Variants in FKBP6 observed in about 807,000 individuals in gnomAD.
The protein encoded by FKBP6 is FKBP prolyl isomerase family member 6 (inactive).
FKBP6 carries 29 observed loss-of-function variants against 41.7 expected under a neutral mutation model. The observed-to-expected ratio is 0.70, with a 90% CI of 0.52 to 0.95. FKBP6 has a LOEUF of 0.95. Among genes scored for constraint, FKBP6 ranks in the 40% least tolerant of loss-of-function variants. The pLI is 0.00. For synonymous variants in FKBP6, 130 were observed against 165.1 expected (o/e 0.79, Z 1.63); for missense variants, 338 against 408.7 (o/e 0.83, Z 1.49).
chr7:73,349,035 G>A (rs926259855), intron 8 of FKBP6, among the ~76,000 whole-genome samples: 8 of 152,044 alleles, frequency 5.3e-5, no homozygotes, highest in Non-Finnish European at 7.3e-5. Flanking sequence ...AGCCTGAAAA[G>A]TCAAGGCTGC....
intron 5 of FKBP6, among the ~76,000 whole-genome samples, chr7:73,337,720 A>G (rs1333832149): frequency 2.0e-5 from 3 of 151,616 alleles, no homozygotes; most frequent in Non-Finnish European, 4.4e-5. Context: ...CTTGTTGTTG[A>G]GATATGATTC....
intron 8 of FKBP6, among the ~76,000 whole-genome samples, chr7:73,345,968 T>G (rs1335871919): frequency 6.6e-6 from 1 of 152,070 alleles, no homozygotes; most frequent in African/African-American, 2.4e-5. Flanking sequence ...AGGGAGAAAT[T>G]AGATCACCTT....
intron 8 of FKBP6, among the ~76,000 whole-genome samples, chr7:73,349,349 C>T (rs970977919): frequency 1.3e-5 from 2 of 150,436 alleles, no homozygotes; most frequent in South Asian, 2.1e-4. Flanking sequence ...GTGGAGGTTG[C>T]GGTAAGCTGC....
chr7:73,348,152 T>G (rs1455910249), intron 8 of FKBP6, among the ~76,000 whole-genome samples: 1 of 140,236 alleles, frequency 7.1e-6, no homozygotes, highest in African/African-American at 2.6e-5. Flanking sequence ...AAGTTGGACC[T>G]CCTTCTATTC....
rs541958435 is a variant in FKBP6 at position 73,345,212 on chromosome 7, G to T, written c.*2+2313G>T. 1.2e-4 allele frequency among the ~76,000 whole-genome samples: 16 copies of T among 134,536 alleles called. No homozygotes were observed. In the East Asian group the frequency reaches 3.6e-3, roughly 30 times the overall value. The allele number at this position is 134,536 out of a possible 152,430, so 88.3% of individuals were successfully genotyped here. A position where few individuals can be genotyped will look rare whatever the true frequency, so the allele number is the denominator to read the frequency against. On this transcript the variant is annotated intron_variant, in intron 8 of 8. Transcript: ENST00000252037. ...TGCCAGGGACAGAAACCTATCTTTA[G>T]CATCAGCCAGAAAAAAAAAAAAAAA...
chr7:73,343,710 C>A (rs1356687853), intron 8 of FKBP6, among the ~76,000 whole-genome samples: 1 of 152,118 alleles, frequency 6.6e-6, no homozygotes, highest in Non-Finnish European at 1.5e-5. Context: ...CCAGTCTGAA[C>A]CCTCCAGTCT....
At chr7:73,346,275 C>A (rs1554550258) in intron 8 of FKBP6, among the ~76,000 whole-genome samples, 1 of 152,190 alleles carries the variant, frequency 6.6e-6, no homozygotes, top group Admixed American at 6.5e-5. Context: ...TCCTGCCATC[C>A]CTGTGGGGAG....
At position 73,358,361 on chromosome 7, in the gene FKBP6, G is replaced by A. The variant is rs1199249559; in HGVS notation, c.*183G>A. The A allele has an allele frequency of 1.3e-5, 2 of 152,332 alleles. No individual in the cohort carries two copies. The highest frequency in any genetic ancestry group is 4.8e-5 in the African/African-American group (2 of 41,422). 9.4% of individuals were successfully genotyped at this position (152,332 alleles called of 1,614,324 possible). A position where few individuals can be genotyped will look rare whatever the true frequency, so the allele number is the denominator to read the frequency against. Reference sequence around the variant, plus strand: ...TCACAGGTGCTGTTTTCTGTTTTCCGTGTTCGTAACAGAAGGGAGGGGAAA... The same window carrying A: ...TCACAGGTGCTGTTTTCTGTTTTCCATGTTCGTAACAGAAGGGAGGGGAAA... On this transcript the variant is annotated 3_prime_UTR_variant, in exon 9 of 9. Transcript: ENST00000252037.
intron 8 of FKBP6, among the ~76,000 whole-genome samples, chr7:73,356,326 T>A (rs1462179036): frequency 2.0e-5 from 3 of 152,164 alleles, no homozygotes; most frequent in African/African-American, 7.2e-5. Context: ...CATGGAGCTA[T>A]CCTCACGCCT....
chr7:73,345,069 C>T (rs1282475258), intron 8 of FKBP6, among the ~76,000 whole-genome samples: 4 of 151,954 alleles, frequency 2.6e-5, no homozygotes, highest in African/African-American at 9.7e-5. Context: ...GCCAGGTGCA[C>T]GATTGGTGCT....
chr7:73,335,432 G>C (rs1230791174), intron 5 of FKBP6, among the ~76,000 whole-genome samples: 4 of 152,218 alleles, frequency 2.6e-5, no homozygotes, highest in African/African-American at 9.6e-5. Flanking sequence ...TGGGAGCCAA[G>C]CTGGGCAGCA....
chr7:73,352,425 T>A (rs373017197), intron 8 of FKBP6, among the ~76,000 whole-genome samples: 1 of 152,330 alleles, frequency 6.6e-6, no homozygotes, highest in East Asian at 1.9e-4. Flanking sequence ...TAATTAAGTG[T>A]ACAGGTAGTG....
At chr7:73,349,150 C>T (rs1374335006) in intron 8 of FKBP6, among the ~76,000 whole-genome samples, 1 of 152,278 alleles carries the variant, frequency 6.6e-6, no homozygotes, top group African/African-American at 2.4e-5. Context: ...TGGCTCACGC[C>T]TGTAATCCCA....
intron 5 of FKBP6, 58 bp from the exon 6 acceptor site, chr7:73,340,580 T>A: frequency 6.9e-7 from 1 of 1,439,002 alleles, no homozygotes; most frequent in Admixed American, 1.7e-5. Flanking sequence ...GTGGATTCTT[T>A]AGGGTTTTGT....
At chr7:73,336,874 A>G in intron 5 of FKBP6, 1 of 453,278 alleles carries the variant, frequency 2.2e-6, no homozygotes, top group Non-Finnish European at 4.5e-6. Flanking sequence ...CACAAAATGG[A>G]TGGTTAGACT....
Position 73,340,668 on chromosome 7 carries a change from C to G in FKBP6, c.619C>G (p.Pro207Ala). Residue 207 changes from proline to alanine, a missense_variant, in exon 6 of 9, where the codon CCC becomes GCC. Coordinates refer to ENST00000252037, the MANE Select transcript of FKBP6 (RefSeq NM_003602.5). ...ALLLLRRRSA[P>A]PEEQHLVEAA... is the part of the protein sequence containing the mutation. Reference sequence around the variant, plus strand: ...ATTGCTTCTGCGCCGGCGATCAGCACCCCCTGAAGAGCAGCACCTGGTGGA... The same window carrying G: ...ATTGCTTCTGCGCCGGCGATCAGCAGCCCCTGAAGAGCAGCACCTGGTGGA... The G allele has an allele frequency of 5.0e-6, 8 of 1,613,568 alleles. No individual in the cohort carries two copies. Among genetic ancestry groups the G allele is most frequent in the South Asian group, 1.1e-5 (1 of 91,044 alleles).
intron 3 of FKBP6, 119 bp from the exon 4 acceptor site, chr7:73,330,031 G>C: frequency 1.3e-6 from 1 of 750,912 alleles, no homozygotes; most frequent in Admixed American, 2.0e-5. Context: ...GCAGGAAGAG[G>C]GAACTGTGTG....
Position 73,330,327 on chromosome 7 carries a change from C to A in FKBP6, c.443C>A (p.Ser148Ter), listed in dbSNP as rs1583796182. The A allele has an allele frequency of 4.3e-6, 7 of 1,614,018 alleles. No homozygotes were observed. In the East Asian group the frequency reaches 1.6e-4, roughly 36 times the overall value. The change falls in exon 4 of 9, where the codon TCA becomes TAA. Residue 148 changes from serine to a stop codon, truncating the protein, a stop_gained. Coordinates refer to ENST00000252037, the MANE Select transcript of FKBP6 (RefSeq NM_003602.5). LOFTEE classifies it high-confidence loss of function. ...ELLDFLDCAESDKFCALSAEQ... is the reference protein window; with the variant it reads ...ELLDFLDCAE ...CTTGACTTCCTGGACTGTGCTGAGT[C>A]AGACAAGTTTTGTGCTCTCTCAGCT...
chr7:73,342,980 C>CAT, intron 8 of FKBP6, 81 bp downstream of exon 8: 1 of 940,150 alleles, frequency 1.1e-6, no homozygotes, highest in Middle Eastern at 2.7e-4. Flanking sequence ...TGAATGGTGG[C>CAT]TGTCTGCAGC....
Sources: gnomAD v4.1 joint callset for allele counts (sites outside exome capture counted in the v4.1 genomes callset) on GRCh38, gnomAD v4.1.1 for gene constraint, MANE v1.5 for transcripts, NCBI Gene and HGNC (gene_info 2026-07-23, HGNC 2026-07-21) for gene names.